The following MYH1 variants were observed in gnomAD, a reference collection of about 807,000 sequenced individuals.
The protein encoded by MYH1 is myosin heavy chain 1.
A neutral mutation model predicts 225.6 loss-of-function variants in MYH1; 214 were observed. The ratio of observed to expected loss-of-function variants is 0.95; its 90% CI spans 0.85 to 1.06. The LOEUF (loss-of-function observed/expected upper bound fraction) is 1.06, where lower values mean the gene tolerates loss of function less well. MYH1 is among the 50% of genes least tolerant of loss of function. MYH1 has a pLI of 0.00. For synonymous variants in MYH1, 774 were observed against 842.3 expected, an observed-to-expected ratio of 0.92 and a Z score of 1.40; for missense variants, 2,098 against 2,344.2, an observed-to-expected ratio of 0.89 and a Z score of 2.17.
intron 2 of MYH1, 22 bp downstream of exon 2, chr17:10,518,218 A>C (rs775181230): frequency 2.6e-5 from 4 of 150,986 alleles, no homozygotes; most frequent in Non-Finnish European, 4.4e-5. Flanking sequence ...AGGAATGAGA[A>C]AAAAAAAAAT....
rs112621883 is a variant in MYH1 at position 10,514,124 on chromosome 17, G to T, written c.534C>A (p.Thr178=). The T allele has an allele frequency of 8.7e-6, 14 of 1,613,902 alleles. No homozygotes were observed. Among genetic ancestry groups the T allele is most frequent in the African/African-American group, 2.7e-5 (2 of 74,902 alleles). Residue 178 remains threonine (T), a splice_region_variant and synonymous_variant, in exon 7 of 40, where the codon ACC becomes ACA. Transcript: ENST00000226207. ...TDRENQSILI[T]GESGAGKTVN... ...CAGTCTTCCCTGCGCCAGATTCTCC[G>T]CTGTCAAAGACCAAACGTATGAGAA... is the stretch of plus-strand genomic sequence containing the variant.
Position 10,494,207 on chromosome 17 carries a change from G to A in MYH1, c.5667+147C>T, listed in dbSNP as rs566081732. On this transcript the variant is annotated intron_variant, in intron 39 of 39. Transcript: ENST00000226207. ...ACATCTTCTGCTGGCTTGTCAGGTG[G>A]TTGGTTTTACCTCAGCCTTGGACCT... is the stretch of plus-strand genomic sequence containing the variant. 2.3e-5 allele frequency: 15 copies of A among 659,086 alleles called. No homozygotes were observed. In the Admixed American group the frequency reaches 3.1e-4, roughly 14 times the overall value. 40.8% of individuals were successfully genotyped at this position (659,086 alleles called of 1,614,324 possible). A position where few individuals can be genotyped will look rare whatever the true frequency, so the allele number is the denominator to read the frequency against.
In MYH1 at chr17:10,498,839, T is replaced by C. The variant is rs1215627866; in HGVS notation, c.3985-17A>G. 1 of 1,613,382 alleles carries C rather than the reference T, an allele frequency of 6.2e-7. No individual in the cohort carries two copies. Among genetic ancestry groups the C allele is most frequent in the Non-Finnish European group, 8.5e-7 (1 of 1,179,738 alleles). The stretch of plus-strand genomic sequence containing the variant: ...ACTCTTGGCCTGAGAACATAGAGAT[T>C]GATGACTTAATTTTATATATTTAAA... On this transcript the variant is annotated splice_polypyrimidine_tract_variant and intron_variant, in intron 29 of 39. Coordinates refer to ENST00000226207, the MANE Select transcript of MYH1 (RefSeq NM_005963.4).
chr17:10,505,977 C>A, intron 18 of MYH1, 35 bp downstream of exon 18: 19 of 1,614,160 alleles, frequency 1.2e-5, no homozygotes, highest in Non-Finnish European at 1.6e-5. Context: ...ATCACACACA[C>A]ACTGGAGCTT....
intron 17 of MYH1, among the ~76,000 whole-genome samples, chr17:10,507,296 C>T (rs1010556564): frequency 9.2e-5 from 14 of 152,150 alleles, no homozygotes; most frequent in African/African-American, 3.1e-4. Flanking sequence ...CTCCTGGCCT[C>T]AAGTGATCTG....
intron 22 of MYH1, among the ~76,000 whole-genome samples, chr17:10,504,300 C>T (rs2073087467): frequency 6.6e-6 from 1 of 152,186 alleles, no homozygotes; most frequent in Admixed American, 6.5e-5. Flanking sequence ...AAGGCATTGC[C>T]ATTATCCTTA....
At chr17:10,495,773 A>AAAAAAAAAAAAAAAAAC (rs2072984775) in intron 35 of MYH1, among the ~76,000 whole-genome samples, 177 bp downstream of exon 35, 2 of 149,772 alleles carry the variant, frequency 1.3e-5, no homozygotes, top group Non-Finnish European at 3.0e-5. Flanking sequence ...AAAAAAAAAA[A>AAAAAAAAAAAAAAAAAC]AAATCAACTA....
chr17:10,496,210 TG>T (rs2072992127), intron 34 of MYH1, 30 bp downstream of exon 34: 4 of 1,614,052 alleles, frequency 2.5e-6, no homozygotes, highest in Middle Eastern at 1.6e-4. Context: ...GCACCCCAAT[TG>T]TCCTGGGATC....
At chr17:10,513,002 A>G in intron 9 of MYH1, 37 bp from the exon 10 acceptor site, 1 of 1,419,536 alleles carries the variant, frequency 7.0e-7, no homozygotes, top group Non-Finnish European at 9.9e-7. Flanking sequence ...ATGGGGAAAA[A>G]TTACACAATG....
chr17:10,500,574 A>C, intron 28 of MYH1, 52 bp downstream of exon 28: 1 of 1,609,110 alleles, frequency 6.2e-7, no homozygotes, highest in Admixed American at 1.7e-5. Flanking sequence ...TCAGTGGATT[A>C]CACATGCAGG....
chr17:10,516,637 A>C lies in MYH1; in HGVS notation c.6T>G (p.Ser2Arg). Residue 2 changes from serine (S) to arginine (R), a missense_variant, in exon 3 of 40, where the codon AGT becomes AGG. Physicochemically the swap from Ser to Arg is moderately radical, Grantham distance 110 (BLOSUM62 -1). Coordinates refer to ENST00000226207, the MANE Select transcript of MYH1 (RefSeq NM_005963.4). ...CAAAAATGGCCATCTCAGAGTCGGA[A>C]CTCATGGCTGCAGGTTATTGATGGT... MSSDSEMAIFGE... is the reference protein window; with the variant it reads MRSDSEMAIFGE... 1 of 1,614,178 alleles carries C rather than the reference A, an allele frequency of 6.2e-7. No homozygotes were observed. Among genetic ancestry groups the C allele is most frequent in the Non-Finnish European group, 8.5e-7 (1 of 1,180,034 alleles).
chr17:10,498,703 G>T lies in MYH1; in HGVS notation c.4104C>A (p.Ala1368=). 2 of 1,614,046 alleles carry T rather than the reference G, an allele frequency of 1.2e-6. No homozygotes were observed. The highest frequency in any genetic ancestry group is 1.7e-6 in the Non-Finnish European group (2 of 1,179,916). ...KAELQRAMSK[A]NSEVAQWRTK... is the part of the protein sequence containing the mutation. Reference sequence around the variant, plus strand: ...TCCTCCACTGGGCAACCTCACTGTTGGCCTTGGACATTGCTCTCTGTAGCT... The same window carrying T: ...TCCTCCACTGGGCAACCTCACTGTTTGCCTTGGACATTGCTCTCTGTAGCT... The change falls in exon 30 of 40, where the codon GCC becomes GCA. Residue 1368 remains alanine (A), a synonymous_variant. Coordinates refer to ENST00000226207, the MANE Select transcript of MYH1 (RefSeq NM_005963.4).
intron 39 of MYH1, 58 bp downstream of exon 39, chr17:10,494,296 T>C: frequency 6.8e-7 from 1 of 1,480,358 alleles, no homozygotes; most frequent in Non-Finnish European, 9.3e-7. Context: ...TTTGTCACTT[T>C]AACTAAACTG....
At chr17:10,506,504 T>G (rs919575575) in intron 17 of MYH1, among the ~76,000 whole-genome samples, 3 of 152,120 alleles carry the variant, frequency 2.0e-5, no homozygotes, top group Non-Finnish European at 4.4e-5. Context: ...TTCTTTTTTT[T>G]TTTTCTGAGA....
In MYH1 at chr17:10,503,053, G is replaced by A. The variant is rs750549444; in HGVS notation, c.2887C>T (p.Leu963=). The A allele has an allele frequency of 6.2e-7, 1 of 1,613,470 alleles. No individual in the cohort carries two copies. Residue 963 remains leucine, a synonymous_variant, in exon 23 of 40, where the codon CTG becomes TTG. Coordinates refer to ENST00000226207, the MANE Select transcript of MYH1 (RefSeq NM_005963.4). ...ELKKDIDDLE[L]TLAKVEKEKH... ...TCCTTCTCAACCTTGGCCAGTGTCA[G>A]CTCAAGGTCATCAATGTCTTTCTTG...
intron 20 of MYH1, 35 bp from the exon 21 acceptor site, chr17:10,505,334 A>G (rs373166938): frequency 1.2e-6 from 2 of 1,614,118 alleles, no homozygotes; most frequent in Non-Finnish European, 1.7e-6. Context: ...CAGAAAATTT[A>G]CATAAAGTTC....
At chr17:10,494,260 C>T in intron 39 of MYH1, 94 bp downstream of exon 39, 3 of 1,240,664 alleles carry the variant, frequency 2.4e-6, no homozygotes, top group Non-Finnish European at 3.4e-6. Flanking sequence ...TTCTTTTGAT[C>T]CTTCCTCATT....
In MYH1 at chr17:10,516,551, G is replaced by A. The variant is rs548462024; in HGVS notation, c.92C>T (p.Pro31Leu). 300 of 1,614,142 alleles carry A rather than the reference G, an allele frequency of 1.9e-4. 4 individuals carry two copies. In the South Asian group the frequency reaches 3.2e-3, roughly 17 times the overall value. Residue 31 changes from proline to leucine, a missense_variant, in exon 3 of 40, where the codon CCT becomes CTT. Physicochemically the swap from Pro to Leu is moderately conservative, Grantham distance 98. Coordinates refer to ENST00000226207, the MANE Select transcript of MYH1 (RefSeq NM_005963.4). ...AAAGACTGATGTCTTGGCATCAAAA[G>A]GCTTGTTCTGGGCTTCAATTCGCTC... The part of the protein sequence containing the change: ...ERERIEAQNK[P>L]FDAKTSVFVV...
chr17:10,508,377 G>A lies in MYH1; in HGVS notation c.1883C>T (p.Thr628Met), dbSNP rs200312088. The change falls in exon 16 of 40, where the codon ACG becomes ATG. Residue 628 changes from threonine to methionine, a missense_variant. Thr to Met is a moderately conservative substitution (Grantham distance 81). Transcript: ENST00000226207. The stretch of plus-strand genomic sequence containing the variant: ...TTGATAATTACCTGCTTCCGCTCCC[G>A]TTGCCCCAACAAAGAGGAGAGCCAG... ...KTLALLFVGA[T>M]GAEAEAGGGK... is the part of the protein sequence containing the mutation. The A allele has an allele frequency of 5.9e-5, 94 of 1,602,918 alleles. No individual in the cohort carries two copies. Among genetic ancestry groups the A allele is most frequent in the Admixed American group, 1.0e-4 (6 of 58,150 alleles).
Sources: gnomAD v4.1 joint callset for allele counts (sites outside exome capture counted in the v4.1 genomes callset) on GRCh38, gnomAD v4.1.1 for gene constraint, MANE v1.5 for transcripts, NCBI Gene and HGNC (gene_info 2026-07-23, HGNC 2026-07-21) for gene names.